TMPRSS11D: variants seen among roughly 807,000 people sequenced by gnomAD.
The protein encoded by TMPRSS11D is transmembrane serine protease 11D, also known as transmembrane protease serine 11D.
A neutral mutation model predicts 44.4 loss-of-function variants in TMPRSS11D; 32 were observed. The observed-to-expected ratio is 0.72, with a 90% CI of 0.54 to 0.97. The LOEUF is 0.97. TMPRSS11D is among the 50% of genes least tolerant of loss of function. The pLI is 0.00. For missense variants in TMPRSS11D, 446 were observed against 502.6 expected (o/e 0.89, Z 1.08); for synonymous variants, 179 against 177.9 (o/e 1.01, Z -0.05).
rs749544749 is a variant in TMPRSS11D at position 67,835,084 on chromosome 4, A to G, written c.513T>C (p.Asn171=). ...TTACAAAATAATATTAAAACTTACCATTAATAAGCCAATTTGCTGCAGCCT... is the reference window on the plus strand; with the variant it reads ...TTACAAAATAATATTAAAACTTACCGTTAATAAGCCAATTTGCTGCAGCCT... ...TDQAAANWLI[N]ECGAGPDLIT... Residue 171 remains asparagine (N), a splice_region_variant and synonymous_variant, in exon 6 of 10, where the codon AAT becomes AAC. Coordinates refer to ENST00000283916, the MANE Select transcript of TMPRSS11D (RefSeq NM_004262.3). 3.7e-6 allele frequency: 6 copies of G among 1,612,022 alleles called. No homozygotes were observed. The African/African-American group carries it at 4.0e-5, about 11-fold the overall frequency.
chr4:67,827,253 A>T lies in TMPRSS11D; in HGVS notation c.952+8T>A. On this transcript the variant is annotated splice_region_variant and intron_variant, in intron 8 of 9. Coordinates refer to ENST00000283916, the MANE Select transcript of TMPRSS11D (RefSeq NM_004262.3). ...TCTATTGTTAATTTTTTTTTCCGAG[A>T]CACTTACCAGCATATTCTTGAGCGC... 1.3e-6 allele frequency: 2 copies of T among 1,570,724 alleles called. No individual in the cohort carries two copies. The highest frequency in any genetic ancestry group is 1.7e-6 in the Non-Finnish European group (2 of 1,164,240).
chr4:67,853,602 C>T (rs909095735), intron 3 of TMPRSS11D, among the ~76,000 whole-genome samples: 1 of 152,154 alleles, frequency 6.6e-6, no homozygotes, highest in Admixed American at 6.5e-5. Context: ...CTCAAACTTG[C>T]TTTGCATATT....
At chr4:67,842,422 A>T in intron 4 of TMPRSS11D, 136 bp downstream of exon 4, 2 of 810,996 alleles carry the variant, frequency 2.5e-6, no homozygotes, top group Non-Finnish European at 3.9e-6. Context: ...ATTGGTTTTT[A>T]AGCTGACTAA....
intron 1 of TMPRSS11D, among the ~76,000 whole-genome samples, chr4:67,878,773 A>G (rs1163144890): frequency 6.6e-6 from 1 of 151,918 alleles, no homozygotes; most frequent in Non-Finnish European, 1.5e-5. Flanking sequence ...AAAATACAAA[A>G]ATTGGCTGGG....
intron 1 of TMPRSS11D, among the ~76,000 whole-genome samples, chr4:67,872,892 A>G (rs1462940576): frequency 1.3e-5 from 2 of 152,192 alleles, no homozygotes; most frequent in African/African-American, 2.4e-5. Flanking sequence ...TTTACTTCTT[A>G]TACAATTTAA....
At chr4:67,846,647 A>T (rs115850994) in intron 3 of TMPRSS11D, among the ~76,000 whole-genome samples, 7 of 152,274 alleles carry the variant, frequency 4.6e-5, no homozygotes, top group African/African-American at 1.7e-4. Flanking sequence ...CATGATGTCA[A>T]TTGGTTATTC....
intron 9 of TMPRSS11D, among the ~76,000 whole-genome samples, chr4:67,822,747 G>T (rs191069477): frequency 1.1e-3 from 169 of 152,264 alleles, no homozygotes; most frequent in African/African-American, 3.9e-3. Flanking sequence ...TCACCGAGTG[G>T]TTGCCTCCTA....
Position 67,841,424 on chromosome 4 carries a change from T to G in TMPRSS11D, c.317+1134A>C, listed in dbSNP as rs186246699. Among the ~76,000 whole-genome samples the G allele has an allele frequency of 4.7e-3, 716 of 152,092 alleles. 3 individuals are homozygous for G. The highest frequency in any genetic ancestry group is 8.7e-3 in the Non-Finnish European group (590 of 67,978). ...CAAGGGATAGTCCTATTTCAAGGAG[T>G]GACAGGCCAACAGGACCAAATACTG... is the stretch of plus-strand genomic sequence containing the variant. On this transcript the variant is annotated intron_variant, in intron 4 of 9. Coordinates refer to ENST00000283916, the MANE Select transcript of TMPRSS11D (RefSeq NM_004262.3).
intron 1 of TMPRSS11D, among the ~76,000 whole-genome samples, chr4:67,879,442 A>C (rs1719269015): frequency 6.8e-6 from 1 of 146,150 alleles, no homozygotes; most frequent in Admixed American, 7.0e-5. Flanking sequence ...ACTGCACTCC[A>C]GCCTGGGCGA....
At position 67,827,377 on chromosome 4, in the gene TMPRSS11D, T is replaced by G. The variant is rs1717825312; in HGVS notation, c.836A>C (p.Glu279Ala). 3.1e-6 allele frequency: 5 copies of G among 1,613,392 alleles called. 1 individual carries two copies. The highest frequency in any genetic ancestry group is 3.3e-4 in the Middle Eastern group (2 of 6,058). Residue 279 changes from glutamate (E) to alanine (A), a missense_variant, in exon 8 of 10, where the codon GAG (glutamate) becomes GCG (alanine). Physicochemically the swap from Glu to Ala is moderately radical, Grantham distance 107 (BLOSUM62 -1). Coordinates refer to ENST00000283916, the MANE Select transcript of TMPRSS11D (RefSeq NM_004262.3). ...HENDIALVRL[E>A]NSVTFTKDIH... ...ATCTTTGGTAAAGGTGACACTGTTC[T>G]CAAGTCTCACAAGTGCAATGTCATT...
intron 7 of TMPRSS11D, among the ~76,000 whole-genome samples, chr4:67,832,995 ATATAT>A (rs1717983052): frequency 6.6e-6 from 1 of 152,146 alleles, no homozygotes; most frequent in African/African-American, 2.4e-5. Flanking sequence ...TACTGTGCTA[ATATAT>A]TATTACCTGA....
chr4:67,822,622 C>CAAAAGGAAATAGG, intron 9 of TMPRSS11D, 124 bp from the exon 10 acceptor site: 2 of 1,076,848 alleles, frequency 1.9e-6, no homozygotes, highest in Non-Finnish European at 2.6e-6. Flanking sequence ...CAGCCTATTT[C>CAAAAGGAAATAGG]CTTTTGAAAT....
At chr4:67,839,677 T>TA (rs1718183698) in intron 4 of TMPRSS11D, among the ~76,000 whole-genome samples, 1 of 151,918 alleles carries the variant, frequency 6.6e-6, no homozygotes. Context: ...CGTCATGTCA[T>TA]AAAAAAATAA....
intron 4 of TMPRSS11D, among the ~76,000 whole-genome samples, chr4:67,839,540 A>G (rs1342038720): frequency 6.6e-6 from 1 of 152,076 alleles, no homozygotes; most frequent in Non-Finnish European, 1.5e-5. Flanking sequence ...GCATTTACAT[A>G]GAGACTGGAG....
intron 1 of TMPRSS11D, among the ~76,000 whole-genome samples, chr4:67,860,953 C>A (rs1408217330): frequency 1.3e-5 from 2 of 152,066 alleles, no homozygotes; most frequent in Admixed American, 1.3e-4. Flanking sequence ...TATGCTGTGG[C>A]ACTGGAACTA....
chr4:67,825,222 A>G (rs1028356812), intron 9 of TMPRSS11D, among the ~76,000 whole-genome samples: 16 of 151,842 alleles, frequency 1.1e-4, no homozygotes, highest in African/African-American at 3.9e-4. Flanking sequence ...ATTATATATC[A>G]ATTAATTTTT....
intron 5 of TMPRSS11D, among the ~76,000 whole-genome samples, chr4:67,837,802 A>AGAAAAAT (rs149905145): frequency 0.18 from 27,232 of 151,870 alleles, 2,576 homozygotes; most frequent in East Asian, 0.32. Flanking sequence ...AATGTTACAA[A>AGAAAAAT]GAAAAATGAA....
intron 1 of TMPRSS11D, among the ~76,000 whole-genome samples, chr4:67,859,931 T>C (rs571305347): frequency 1.3e-5 from 2 of 152,270 alleles, no homozygotes; most frequent in South Asian, 2.1e-4. Flanking sequence ...ATCTGACTTA[T>C]GGTTTGGAGT....
At chr4:67,826,331 C>T (rs1717791671) in intron 8 of TMPRSS11D, among the ~76,000 whole-genome samples, 1 of 152,070 alleles carries the variant, frequency 6.6e-6, no homozygotes, top group East Asian at 1.9e-4. Flanking sequence ...CAAATGTTAT[C>T]TACTACACCA....
Sources: gnomAD v4.1 joint callset for allele counts (sites outside exome capture counted in the v4.1 genomes callset) on GRCh38, gnomAD v4.1.1 for gene constraint, MANE v1.5 for transcripts, NCBI Gene and HGNC (gene_info 2026-07-23, HGNC 2026-07-21) for gene names.